Variants in ZNF14 observed in about 807,000 individuals in gnomAD.
ZNF14 encodes zinc finger protein 14, also known as gonadotropin inducible transcription repressor-4.
Under a neutral mutation model 11.3 loss-of-function variants are expected in ZNF14, and 9 were observed. That is an observed-to-expected ratio of 0.80 (90% CI 0.48 to 1.39). The LOEUF (loss-of-function observed/expected upper bound fraction) is 1.39. Among genes scored for constraint, ZNF14 ranks in the 40% most tolerant of loss-of-function variants. The pLI is 0.00. For missense variants in ZNF14, 711 were observed against 763.9 expected, an observed-to-expected ratio of 0.93 and a Z score of 0.82; for synonymous variants, 239 against 245.7, an observed-to-expected ratio of 0.97 and a Z score of 0.25.
rs770015789 is a variant in ZNF14 at position 19,711,647 on chromosome 19, T to G, written c.1634A>C (p.Gln545Pro). 6.2e-7 allele frequency: 1 copy of G among 1,613,834 alleles called. No individual in the cohort carries two copies. The change falls in exon 4 of 4, where the codon CAA (glutamine) becomes CCA (proline). Residue 545 changes from glutamine to proline, a missense_variant. Physicochemically the swap from Gln to Pro is moderately conservative, Grantham distance 76. Coordinates refer to ENST00000344099, the MANE Select transcript of ZNF14 (RefSeq NM_021030.3). ...QCGKAFLRSS[Q>P]IRLHERTHTG... is the part of the protein sequence containing the mutation. ...GTGAGTCCTTTCATGCAATCGAATT[T>G]GACTGGAACGAAGGAAGGCCTTACC...
In ZNF14 at chr19:19,712,629, T is replaced by C. The variant is rs1568448333; in HGVS notation, c.652A>G (p.Thr218Ala). The change falls in exon 4 of 4, where the codon ACT becomes GCT. Residue 218 changes from threonine (T) to alanine (A), a missense_variant. Coordinates refer to ENST00000344099, the MANE Select transcript of ZNF14 (RefSeq NM_021030.3). ...YYQSFQKHAH[T>A]GKKPYECKQC... The stretch of plus-strand genomic sequence containing the variant: ...TTACATTCATAGGGTTTCTTTCCAG[T>C]ATGAGCATGTTTTTGAAAAGACTGG... The C allele has an allele frequency of 6.2e-7, 1 of 1,614,040 alleles. No individual in the cohort carries two copies. Among genetic ancestry groups the C allele is most frequent in the South Asian group, 1.1e-5 (1 of 91,050 alleles).
intron 1 of ZNF14, among the ~76,000 whole-genome samples, chr19:19,731,838 C>T (rs935806107): frequency 6.6e-6 from 1 of 152,146 alleles, no homozygotes; most frequent in African/African-American, 2.4e-5. Flanking sequence ...GAGGCCAAGG[C>T]GGGCAGATCA....
chr19:19,715,976 TAGG>T (rs1475623695), intron 1 of ZNF14, among the ~76,000 whole-genome samples: 4 of 152,212 alleles, frequency 2.6e-5, no homozygotes, highest in African/African-American at 9.6e-5. Context: ...TTCATGGATC[TAGG>T]AGATTACTAG....
Position 19,712,888 on chromosome 19 carries a change from A to G in ZNF14, c.393T>C (p.Asn131=). 2.5e-6 allele frequency: 4 copies of G among 1,614,118 alleles called. No individual in the cohort carries two copies. Among genetic ancestry groups the G allele is most frequent in the Non-Finnish European group, 3.4e-6 (4 of 1,180,000 alleles). ...GTTGCTTTTCATATTCCTGATACTC[A>G]TTTGGTTTCTGTCCAGTGTGAGATC... is the stretch of plus-strand genomic sequence containing the variant. ...HMRSHTGQKP[N]EYQEYEKQPC... The change falls in exon 4 of 4, where the codon AAT becomes AAC. Residue 131 remains asparagine (N), a synonymous_variant. Coordinates refer to ENST00000344099, the MANE Select transcript of ZNF14 (RefSeq NM_021030.3).
chr19:19,715,398 T>C lies in ZNF14; in HGVS notation c.4-911A>G, dbSNP rs187088206. Among the ~76,000 whole-genome samples, 6 of 152,216 alleles carry C rather than the reference T, an allele frequency of 3.9e-5. No individual in the cohort carries two copies. In the East Asian group the frequency reaches 1.2e-3, roughly 29 times the overall value. ...TAAGGAATCAGAGAGATTGAGGGGT[T>C]GAGGAGGAATTATTTAATTATTTAG... On this transcript the variant is annotated intron_variant, in intron 1 of 3. Transcript: ENST00000344099.
Position 19,720,994 on chromosome 19 carries a change from G to T in ZNF14, c.4-6507C>A, listed in dbSNP as rs2062391645. ...TTTTTTTGAGACAGAGTCTTGCTCT[G>T]TCACTCAGGTTGGAGCGCAGTGGCG... On this transcript the variant is annotated intron_variant, in intron 1 of 3. Coordinates refer to ENST00000344099, the MANE Select transcript of ZNF14 (RefSeq NM_021030.3). The surrounding 1 kb of genome is among the most constrained non-coding windows in gnomAD (Gnocchi z 4.1). 6.6e-6 allele frequency among the ~76,000 whole-genome samples: 1 copy of T among 152,164 alleles called. No individual in the cohort carries two copies. The highest frequency in any genetic ancestry group is 1.5e-5 in the Non-Finnish European group (1 of 68,028).
chr19:19,732,742 A>G (rs247774), intron 1 of ZNF14, among the ~76,000 whole-genome samples: 35,451 of 152,096 alleles, frequency 0.23, 5,209 homozygotes, highest in Non-Finnish European at 0.31. Flanking sequence ...GGGCTCCAGG[A>G]CCGGGGGCCG....
chr19:19,716,334 G>A (rs1433468960), intron 1 of ZNF14, among the ~76,000 whole-genome samples: 1 of 152,146 alleles, frequency 6.6e-6, no homozygotes, highest in Admixed American at 6.5e-5. Context: ...TGTTGCCCAG[G>A]TTGGAGTGCT....
At chr19:19,723,233 T>A (rs888903135) in intron 1 of ZNF14, among the ~76,000 whole-genome samples, 1 of 152,200 alleles carries the variant, frequency 6.6e-6, no homozygotes, top group Non-Finnish European at 1.5e-5. Context: ...ATAGCTCTTA[T>A]TATTTTGAGA....
intron 3 of ZNF14, among the ~76,000 whole-genome samples, chr19:19,713,747 C>CTTTTTTT (rs2062369339): frequency 2.0e-5 from 2 of 100,556 alleles, no homozygotes; most frequent in Non-Finnish European, 4.5e-5. Flanking sequence ...CTGTGCCAGG[C>CTTTTTTT]CTTTTTTTTT....
chr19:19,729,429 C>T (rs1474297796), intron 1 of ZNF14, among the ~76,000 whole-genome samples: 1 of 152,034 alleles, frequency 6.6e-6, no homozygotes, highest in Non-Finnish European at 1.5e-5. Flanking sequence ...AATTCTCCTG[C>T]CTCAGCCTCC....
chr19:19,717,567 C>A (rs2062381312), intron 1 of ZNF14, among the ~76,000 whole-genome samples: 2 of 152,192 alleles, frequency 1.3e-5, no homozygotes, highest in South Asian at 4.1e-4. Flanking sequence ...TTTCTGGTCA[C>A]CAATCCTAAT....
chr19:19,732,949 C>A lies in ZNF14; in HGVS notation c.3+7G>T, dbSNP rs1327748094. 1 of 1,613,792 alleles carries A rather than the reference C, an allele frequency of 6.2e-7. No homozygotes were observed. Among genetic ancestry groups the A allele is most frequent in the Admixed American group, 1.7e-5 (1 of 60,018 alleles). On this transcript the variant is annotated splice_region_variant and intron_variant, in intron 1 of 3. Transcript: ENST00000344099. Reference sequence around the variant, plus strand: ...CCTCCCCTCGGACACTGGCCCCGCACACTCACCATTTCCCAGCGTCCGGGA... The same window carrying A: ...CCTCCCCTCGGACACTGGCCCCGCAAACTCACCATTTCCCAGCGTCCGGGA...
At position 19,711,378 on chromosome 19, in the gene ZNF14, T is replaced by C; in HGVS notation, c.1903A>G (p.Arg635Gly). The change falls in exon 4 of 4, where the codon AGG becomes GGG. Residue 635 changes from arginine (R) to glycine (G), a missense_variant. Coordinates refer to ENST00000344099, the MANE Select transcript of ZNF14 (RefSeq NM_021030.3). ...TAGACTTTCTCTCCCATATGAGTCC[T>C]TTCATGCAGTCGAAAGTGACTGGAA... ...ISSSHFRLHE[R>G]THMGEKV 5.1e-6 allele frequency: 8 copies of C among 1,573,344 alleles called. No individual in the cohort carries two copies. Among genetic ancestry groups the C allele is most frequent in the Non-Finnish European group, 6.9e-6 (8 of 1,163,380 alleles).
intron 2 of ZNF14, 36 bp downstream of exon 2, chr19:19,714,325 A>G (rs938516233): frequency 3.7e-6 from 6 of 1,612,508 alleles, no homozygotes; most frequent in East Asian, 4.5e-5. Flanking sequence ...TCTGTGTTCT[A>G]TATTTAACTG....
intron 1 of ZNF14, among the ~76,000 whole-genome samples, chr19:19,732,212 G>A (rs2062426140): frequency 1.3e-5 from 2 of 152,136 alleles, no homozygotes; most frequent in African/African-American, 4.8e-5. Flanking sequence ...AAAAGAACCT[G>A]AACAAGCTCA....
intron 1 of ZNF14, among the ~76,000 whole-genome samples, chr19:19,730,917 GA>G (rs1165020499): frequency 6.6e-6 from 1 of 151,808 alleles, no homozygotes; most frequent in African/African-American, 2.4e-5. Flanking sequence ...CATCTCAAAA[GA>G]AGAAAGAAAA....
chr19:19,715,275 C>T (rs1266253303), intron 1 of ZNF14, among the ~76,000 whole-genome samples: 1 of 152,164 alleles, frequency 6.6e-6, no homozygotes, highest in African/African-American at 2.4e-5. Context: ...TTCCCATCAA[C>T]AAACGAGAGG....
intron 1 of ZNF14, among the ~76,000 whole-genome samples, chr19:19,730,826 C>T (rs888277691): frequency 2.6e-5 from 4 of 152,098 alleles, no homozygotes; most frequent in Non-Finnish European, 4.4e-5. Flanking sequence ...GAAGGAGAAT[C>T]GCTTGAACCT....
Sources: allele counts gnomAD v4.1 joint callset (sites outside exome capture counted in the v4.1 genomes callset), GRCh38; gene constraint gnomAD v4.1.1; non-coding constraint Gnocchi (gnomAD v3.1); transcripts MANE v1.5; gene names NCBI Gene and HGNC (gene_info 2026-07-23, HGNC 2026-07-21).